The following UBE2N variants were observed in gnomAD, a reference collection of about 807,000 sequenced individuals.
UBE2N encodes ubiquitin conjugating enzyme E2 N.
For synonymous variants in UBE2N, 70 were observed against 69.2 expected (o/e 1.01, Z -0.06); for missense variants, 60 against 192.1 (o/e 0.31, Z 4.07).
intron 1 of UBE2N, among the ~76,000 whole-genome samples, chr12:93,431,975 T>C (rs1299950266): frequency 6.6e-6 from 1 of 152,224 alleles, no homozygotes; most frequent in Non-Finnish European, 1.5e-5. Flanking sequence ...GGCTCCTGCC[T>C]GTAATCCCAG....
chr12:93,430,761 T>C (rs1419816891), intron 1 of UBE2N, among the ~76,000 whole-genome samples: 1 of 147,944 alleles, frequency 6.8e-6, no homozygotes, highest in Admixed American at 6.8e-5. Context: ...TAATATATAT[T>C]ATATATGTAT....
chr12:93,418,343 G>A (rs1363858729), intron 1 of UBE2N, among the ~76,000 whole-genome samples: 1 of 151,976 alleles, frequency 6.6e-6, no homozygotes, highest in Non-Finnish European at 1.5e-5. Flanking sequence ...CAGCCTGGGC[G>A]ATAGTGAGAC....
At chr12:93,414,205 T>C (rs936204316) in intron 1 of UBE2N, among the ~76,000 whole-genome samples, 1 of 150,146 alleles carries the variant, frequency 6.7e-6, no homozygotes, top group African/African-American at 2.5e-5. Flanking sequence ...ATCCCAGCAT[T>C]TTGGGAGGCC....
Position 93,430,681 on chromosome 12 carries a change from G to A in UBE2N, c.30+11174C>T, listed in dbSNP as rs528591641. ...TAATCCCAACACTGTGGGAGGCTGA[G>A]ACAGGAGGATCACTTGAGCCCAGGA... On this transcript the variant is annotated intron_variant, in intron 1 of 3. Transcript: ENST00000318066. Among the ~76,000 whole-genome samples the A allele has an allele frequency of 3.3e-5, 5 of 151,716 alleles. No individual in the cohort carries two copies. In the East Asian group the frequency reaches 7.7e-4, roughly 23 times the overall value.
chr12:93,435,890 T>C (rs895503993), intron 1 of UBE2N, among the ~76,000 whole-genome samples: 3 of 151,966 alleles, frequency 2.0e-5, no homozygotes, highest in African/African-American at 7.2e-5. Context: ...AGACCCTGTT[T>C]CAAAAAATTA....
intron 1 of UBE2N, among the ~76,000 whole-genome samples, chr12:93,419,039 T>C (rs1284468937): frequency 6.6e-6 from 1 of 152,188 alleles, no homozygotes; most frequent in Non-Finnish European, 1.5e-5. Context: ...TTATTTCATA[T>C]AATAGGTAAA....
At chr12:93,433,585 T>C (rs1878833251) in intron 1 of UBE2N, among the ~76,000 whole-genome samples, 1 of 152,206 alleles carries the variant, frequency 6.6e-6, no homozygotes. Flanking sequence ...TAAGAATTCT[T>C]TTCCTTGATA....
chr12:93,429,510 T>C (rs1878693811), intron 1 of UBE2N, among the ~76,000 whole-genome samples: 1 of 151,804 alleles, frequency 6.6e-6, no homozygotes, highest in Non-Finnish European at 1.5e-5. Flanking sequence ...TTGCCTAGTA[T>C]TTACTATACT....
In UBE2N at chr12:93,406,727, A is replaced by G. The variant is rs1877839922; in HGVS notation, c.*3312T>C. 1 of 152,352 alleles carries G rather than the reference A, an allele frequency of 6.6e-6. No individual in the cohort carries two copies. Among genetic ancestry groups the G allele is most frequent in the Non-Finnish European group, 1.5e-5 (1 of 68,032 alleles). 9.4% of individuals were successfully genotyped at this position (152,352 alleles called of 1,614,324 possible). A position where few individuals can be genotyped will look rare whatever the true frequency, so the allele number is the denominator to read the frequency against. Reference sequence around the variant, plus strand: ...GGTATTATAAGTAATCTAAATATTAACATAAGCGGGAGGATTTGTGTAGAT... The same window carrying G: ...GGTATTATAAGTAATCTAAATATTAGCATAAGCGGGAGGATTTGTGTAGAT... On this transcript the variant is annotated 3_prime_UTR_variant, in exon 4 of 4. Transcript: ENST00000318066.
Position 93,410,012 on chromosome 12 carries a change from T to A in UBE2N, c.*27A>T. ...GGAAGTCTTGGCAGAACAGGAGAAG[T>A]GATGCACACTTGATGATCGTATCAA... On this transcript the variant is annotated 3_prime_UTR_variant, in exon 4 of 4. Coordinates refer to ENST00000318066, the MANE Select transcript of UBE2N (RefSeq NM_003348.4). 1 of 1,610,516 alleles carries A rather than the reference T, an allele frequency of 6.2e-7. No individual in the cohort carries two copies. The highest frequency in any genetic ancestry group is 8.5e-7 in the Non-Finnish European group (1 of 1,177,660).
At chr12:93,410,665 G>A in intron 3 of UBE2N, 69 bp downstream of exon 3, 2 of 1,590,754 alleles carry the variant, frequency 1.3e-6, no homozygotes, top group South Asian at 2.3e-5. Context: ...AAGAGCTTTA[G>A]AAAAGTTTAA....
intron 1 of UBE2N, among the ~76,000 whole-genome samples, chr12:93,420,993 G>A (rs961531328): frequency 5.3e-5 from 8 of 151,992 alleles, no homozygotes; most frequent in South Asian, 2.1e-4. Context: ...AGAAAATCTC[G>A]GGTAACAGTT....
Position 93,419,557 on chromosome 12 carries a change from TGATGAA to T in UBE2N, c.31-8264_31-8259del, listed in dbSNP as rs1878341473. On this transcript the variant is annotated intron_variant, in intron 1 of 3. Transcript: ENST00000318066. ...AATTAATTCAAACAAGCTAACTGAA[TGATGAA>T]GTAAAGAGTTCACTGAGGAACTATT... Among the ~76,000 whole-genome samples, 3 of 151,898 alleles carry T rather than the reference TGATGAA, an allele frequency of 2.0e-5. No homozygotes were observed. The South Asian group carries it at 6.2e-4, about 32-fold the overall frequency.
intron 1 of UBE2N, among the ~76,000 whole-genome samples, chr12:93,412,904 T>G (rs1161638755): frequency 6.6e-6 from 1 of 152,184 alleles, no homozygotes; most frequent in Admixed American, 6.5e-5. Context: ...GTATATTGAT[T>G]TCTTTATTAT....
At chr12:93,437,044 C>T (rs1311671425) in intron 1 of UBE2N, among the ~76,000 whole-genome samples, 3 of 152,102 alleles carry the variant, frequency 2.0e-5, no homozygotes, top group Non-Finnish European at 4.4e-5. Context: ...GGAAGAATCA[C>T]TTGAGCCTAG....
rs1877778290 is a variant in UBE2N at position 93,405,797 on chromosome 12, A to G, written c.*4242T>C. 6.6e-6 allele frequency: 1 copy of G among 152,206 alleles called. No individual in the cohort carries two copies. Among genetic ancestry groups the G allele is most frequent in the Admixed American group, 6.5e-5 (1 of 15,288 alleles). 9.4% of individuals were successfully genotyped at this position (152,206 alleles called of 1,614,324 possible). On this transcript the variant is annotated 3_prime_UTR_variant, in exon 4 of 4. Transcript: ENST00000318066. ...ATAAACCCTCATATAATTCCCTAAG[A>G]TGGGTGGCATGCCAAGTAGCTAAAT... is the stretch of plus-strand genomic sequence containing the variant.
At chr12:93,426,488 G>A (rs1878589463) in intron 1 of UBE2N, among the ~76,000 whole-genome samples, 1 of 151,332 alleles carries the variant, frequency 6.6e-6, no homozygotes, top group African/African-American at 2.4e-5. Flanking sequence ...GAAGGAAATC[G>A]GGTGGCTGGA....
At chr12:93,432,032 G>GACC (rs1205554462) in intron 1 of UBE2N, among the ~76,000 whole-genome samples, 1 of 152,178 alleles carries the variant, frequency 6.6e-6, no homozygotes, top group Non-Finnish European at 1.5e-5. Context: ...AGGAGTTTGA[G>GACC]ACCAGCCTGA....
At chr12:93,422,507 C>T (rs1878447596) in intron 1 of UBE2N, among the ~76,000 whole-genome samples, 1 of 152,066 alleles carries the variant, frequency 6.6e-6, no homozygotes, top group African/African-American at 2.4e-5. Flanking sequence ...ATTAACAAAC[C>T]TATTGCATAT....
Sources: gnomAD v4.1 joint callset for allele counts (sites outside exome capture counted in the v4.1 genomes callset) on GRCh38, gnomAD v4.1.1 for gene constraint, MANE v1.5 for transcripts, NCBI Gene and HGNC (gene_info 2026-07-23, HGNC 2026-07-21) for gene names.